NOL4L: variants seen among roughly 807,000 people sequenced by gnomAD.
NOL4L encodes the protein nucleolar protein 4 like, also known as nucleolar protein 4-like.
Under a neutral mutation model 64.5 loss-of-function variants are expected in NOL4L, and 7 were observed. The ratio of observed to expected loss-of-function variants is 0.11; its 90% CI spans 0.06 to 0.20. NOL4L has a LOEUF of 0.20. NOL4L is among the 10% of genes least tolerant of loss of function. The pLI is 1.00. For synonymous variants in NOL4L, 413 were observed against 401.0 expected (o/e 1.03, Z -0.36); for missense variants, 680 against 967.1 (o/e 0.70, Z 3.94).
intron 4 of NOL4L, among the ~76,000 whole-genome samples, chr20:32,491,880 C>T (rs2016483366): frequency 6.6e-6 from 1 of 152,194 alleles, no homozygotes; most frequent in African/African-American, 2.4e-5. Context: ...CTTTGGGAGG[C>T]TGAGGTGGGA....
intron 4 of NOL4L, among the ~76,000 whole-genome samples, chr20:32,482,263 G>A (rs979358187): frequency 6.6e-6 from 1 of 152,128 alleles, no homozygotes; most frequent in African/African-American, 2.4e-5. Context: ...TTGGGGAGAG[G>A]GGAGGGAGTA....
intron 4 of NOL4L, among the ~76,000 whole-genome samples, chr20:32,490,106 G>C (rs1444741973): frequency 7.8e-6 from 1 of 128,512 alleles, no homozygotes; most frequent in Admixed American, 9.4e-5. Context: ...TCCAGCCTGG[G>C]TGACAGAGAG....
chr20:32,575,499 C>T (rs2145623632), intron 1 of NOL4L, among the ~76,000 whole-genome samples: 1 of 152,306 alleles, frequency 6.6e-6, no homozygotes, highest in East Asian at 1.9e-4. Flanking sequence ...ACTTCTCAGG[C>T]CCTGTCCCGT....
chr20:32,568,532 CCCT>C (rs1413514962), intron 1 of NOL4L, among the ~76,000 whole-genome samples: 2 of 152,288 alleles, frequency 1.3e-5, no homozygotes, highest in East Asian at 1.9e-4. Flanking sequence ...CTAAACACCT[CCCT>C]CCCCATGTTC....
At chr20:32,515,573 A>T (rs2017617197) in intron 3 of NOL4L, among the ~76,000 whole-genome samples, 1 of 150,838 alleles carries the variant, frequency 6.6e-6, no homozygotes, top group Non-Finnish European at 1.5e-5. Context: ...AGCAGGGGCC[A>T]GTGGAAGCCG....
intron 4 of NOL4L, among the ~76,000 whole-genome samples, chr20:32,502,963 T>A (rs141136141): frequency 1.8e-4 from 28 of 151,384 alleles, no homozygotes; most frequent in African/African-American, 6.8e-4. Flanking sequence ...TCAAAACAAG[T>A]TAAAAAAGGG....
intron 1 of NOL4L, 45 bp downstream of exon 1, chr20:32,584,525 A>AACC: frequency 7.8e-7 from 1 of 1,283,368 alleles, no homozygotes; most frequent in Non-Finnish European, 1.0e-6. Context: ...GCCTGCCCCA[A>AACC]GCCCCGCGGC....
At chr20:32,494,293 A>C (rs2145524615) in intron 4 of NOL4L, among the ~76,000 whole-genome samples, 3 of 145,844 alleles carry the variant, frequency 2.1e-5, no homozygotes, top group Non-Finnish European at 3.0e-5. Flanking sequence ...CACACAACAC[A>C]CACACACACA....
At chr20:32,462,908 A>AAAAAAAAAAAAAAAC (rs1484292825) in intron 5 of NOL4L, among the ~76,000 whole-genome samples, 1 of 136,796 alleles carries the variant, frequency 7.3e-6, no homozygotes, top group African/African-American at 3.5e-5. Context: ...TGTCTTAAAA[A>AAAAAAAAAAAAAAAC]AAAAAAAAAA....
intron 4 of NOL4L, chr20:32,511,125 C>A: frequency 2.6e-6 from 1 of 385,190 alleles, no homozygotes; most frequent in Non-Finnish European, 4.7e-6. Context: ...GGAAAGTTTT[C>A]TCCCTGAAGA....
At chr20:32,480,593 G>A (rs575893506) in intron 4 of NOL4L, among the ~76,000 whole-genome samples, 2 of 152,116 alleles carry the variant, frequency 1.3e-5, no homozygotes, top group Non-Finnish European at 2.9e-5. Context: ...TCTTCCACAC[G>A]AGGCGACTCT....
chr20:32,517,087 C>A (rs2017698755), intron 3 of NOL4L, among the ~76,000 whole-genome samples: 1 of 152,194 alleles, frequency 6.6e-6, no homozygotes, highest in Non-Finnish European at 1.5e-5. Context: ...ACTTCCTGAT[C>A]CTCTGCCACC....
At chr20:32,486,073 A>G (rs1419854489) in intron 4 of NOL4L, among the ~76,000 whole-genome samples, 2 of 152,246 alleles carry the variant, frequency 1.3e-5, no homozygotes, top group Non-Finnish European at 2.9e-5. Flanking sequence ...CACAGAAAAC[A>G]GTTGAGAGCC....
chr20:32,477,284 T>C (rs900562626), intron 4 of NOL4L, among the ~76,000 whole-genome samples: 33 of 152,186 alleles, frequency 2.2e-4, no homozygotes, highest in Non-Finnish European at 3.8e-4. Flanking sequence ...ATGAGGAAAC[T>C]GAGGCTCCAG....
At chr20:32,461,658 G>A (rs1030796994) in intron 5 of NOL4L, among the ~76,000 whole-genome samples, 14 of 151,262 alleles carry the variant, frequency 9.3e-5, no homozygotes, top group African/African-American at 3.4e-4. Flanking sequence ...TCCTGACCTC[G>A]TGATCCACCC....
At chr20:32,546,907 C>T (rs1420129504) in intron 1 of NOL4L, among the ~76,000 whole-genome samples, 1 of 152,174 alleles carries the variant, frequency 6.6e-6, no homozygotes, top group Admixed American at 6.5e-5. Context: ...CAGAGCTGAC[C>T]ACAAAGTAGG....
intron 4 of NOL4L, among the ~76,000 whole-genome samples, chr20:32,492,833 G>C (rs1299844153): frequency 2.0e-5 from 3 of 152,214 alleles, no homozygotes; most frequent in Admixed American, 2.0e-4. Flanking sequence ...CTGGCACTCA[G>C]AGAGCAGGTG....
intron 1 of NOL4L, among the ~76,000 whole-genome samples, chr20:32,578,230 C>G (rs889826638): frequency 6.6e-6 from 1 of 151,226 alleles, no homozygotes; most frequent in African/African-American, 2.4e-5. Context: ...GGATTTGAAC[C>G]CAGGGTCCTG....
chr20:32,502,019 TA>T (rs1366402947), intron 4 of NOL4L, among the ~76,000 whole-genome samples: 1 of 152,214 alleles, frequency 6.6e-6, no homozygotes, highest in Non-Finnish European at 1.5e-5. Context: ...TAGAGAGGTA[TA>T]GATATGTTGC....
Sources: gnomAD v4.1 joint callset for allele counts (sites outside exome capture counted in the v4.1 genomes callset) on GRCh38, gnomAD v4.1.1 for gene constraint, MANE v1.5 for transcripts, NCBI Gene and HGNC (gene_info 2026-07-23, HGNC 2026-07-21) for gene names.